KATNIP: variants seen among roughly 807,000 people sequenced by gnomAD.
KATNIP encodes the protein katanin-interacting protein.
Under a neutral mutation model 174.0 loss-of-function variants are expected in KATNIP, and 126 were observed. The observed-to-expected ratio is 0.72, with a 90% confidence interval of 0.63 to 0.84. The LOEUF is 0.84. Ranked by LOEUF, KATNIP falls within the 40% of genes least tolerant of loss-of-function variation. KATNIP has a pLI of 0.00. For missense variants in KATNIP, 1,958 were observed against 2,109.7 expected (o/e 0.93, Z 1.41); for synonymous variants, 810 against 835.7 (o/e 0.97, Z 0.53).
intron 18 of KATNIP, among the ~76,000 whole-genome samples, chr16:27,757,210 G>C (rs976628381): frequency 6.6e-6 from 1 of 152,098 alleles, no homozygotes; most frequent in Admixed American, 6.6e-5. Context: ...TCAGCCTCCC[G>C]AGTAGCTGGG....
intron 1 of KATNIP, among the ~76,000 whole-genome samples, chr16:27,557,019 A>G (rs566519181): frequency 2.6e-4 from 39 of 152,176 alleles, no homozygotes; most frequent in Non-Finnish European, 4.7e-4. Flanking sequence ...TCATTCCATG[A>G]TTCAACATTT....
At chr16:27,607,467 A>T (rs1187735349) in intron 2 of KATNIP, among the ~76,000 whole-genome samples, 5 of 152,182 alleles carry the variant, frequency 3.3e-5, no homozygotes, top group Non-Finnish European at 7.3e-5. Context: ...GGACCCCAGT[A>T]ACTTCAAGCA....
At chr16:27,721,761 T>C in intron 14 of KATNIP, 66 bp downstream of exon 14, 2 of 1,564,196 alleles carry the variant, frequency 1.3e-6, no homozygotes, top group Non-Finnish European at 1.7e-6. Flanking sequence ...AGTTTGCCAA[T>C]AGCCTGATTC....
chr16:27,690,068 C>T (rs1474289981), intron 8 of KATNIP, among the ~76,000 whole-genome samples: 5 of 151,952 alleles, frequency 3.3e-5, no homozygotes, highest in Non-Finnish European at 5.9e-5. Context: ...TTTGGGAGTC[C>T]GAGGCGAGAG....
In KATNIP at chr16:27,749,912, C is replaced by T. The variant is rs1214601195; in HGVS notation, c.2952C>T (p.Thr984=). The T allele has an allele frequency of 2.5e-6, 4 of 1,614,068 alleles. No individual in the cohort carries two copies. The highest frequency in any genetic ancestry group is 2.7e-5 in the African/African-American group (2 of 74,920). ...GCTTGGTCATTGACATCAAGTCTAC[C>T]TGGGGGGACAGACACTATGTCGGCC... ...GQRLVIDIKS[T]WGDRHYVGLN... is the part of the protein sequence containing the mutation. Residue 984 remains threonine (T), a synonymous_variant, in exon 16 of 28, where the codon ACC becomes ACT. Transcript: ENST00000261588.
intron 1 of KATNIP, among the ~76,000 whole-genome samples, chr16:27,571,801 C>T (rs943912116): frequency 2.0e-5 from 3 of 152,230 alleles, no homozygotes; most frequent in Non-Finnish European, 4.4e-5. Context: ...GGCCTGACTA[C>T]CTGGCATGTC....
intron 1 of KATNIP, among the ~76,000 whole-genome samples, chr16:27,560,564 C>A (rs2089839704): frequency 6.6e-6 from 1 of 152,140 alleles, no homozygotes; most frequent in African/African-American, 2.4e-5. Context: ...GGGAGGTTGG[C>A]CATCTCTGGA....
intron 2 of KATNIP, among the ~76,000 whole-genome samples, chr16:27,583,741 T>C (rs566561831): frequency 5.1e-4 from 78 of 152,360 alleles, no homozygotes; most frequent in African/African-American, 1.8e-3. Flanking sequence ...GTTTAAGTGA[T>C]AGAAGCCTTC....
In KATNIP at chr16:27,600,915, T is replaced by A. The variant is rs569494867; in HGVS notation, c.64-17510T>A. On this transcript the variant is annotated intron_variant, in intron 2 of 27. Coordinates refer to ENST00000261588, the MANE Select transcript of KATNIP (RefSeq NM_015202.5). ...CAGCTAATTTTTTGTATTTTTTTAG[T>A]AGAGACAGGGTTTCACCATGTTGGC... Among the ~76,000 whole-genome samples, 4 of 152,148 alleles carry A rather than the reference T, an allele frequency of 2.6e-5. No homozygotes were observed. In the East Asian group the frequency reaches 7.7e-4, roughly 29 times the overall value.
At chr16:27,745,479 C>T (rs1421137971) in intron 15 of KATNIP, among the ~76,000 whole-genome samples, 22 of 152,238 alleles carry the variant, frequency 1.4e-4, no homozygotes, top group Non-Finnish European at 2.9e-5. Context: ...GCAACCAATT[C>T]CAAAGTCTCA....
intron 2 of KATNIP, among the ~76,000 whole-genome samples, chr16:27,603,943 GC>G (rs970077233): frequency 6.6e-6 from 1 of 151,678 alleles, no homozygotes; most frequent in African/African-American, 2.4e-5. Flanking sequence ...CACAACATTG[GC>G]CAGGCTGATC....
intron 19 of KATNIP, among the ~76,000 whole-genome samples, chr16:27,764,776 T>C (rs901950052): frequency 6.6e-6 from 1 of 152,216 alleles, no homozygotes; most frequent in African/African-American, 2.4e-5. Flanking sequence ...GACAGAAACA[T>C]AATTGCCTTT....
chr16:27,765,437 G>A (rs1391477010), intron 19 of KATNIP, among the ~76,000 whole-genome samples: 1 of 152,196 alleles, frequency 6.6e-6, no homozygotes, highest in African/African-American at 2.4e-5. Flanking sequence ...GAGCATGAGG[G>A]GCTCCCTCCT....
At chr16:27,612,844 A>G (rs991506941) in intron 2 of KATNIP, among the ~76,000 whole-genome samples, 5 of 152,154 alleles carry the variant, frequency 3.3e-5, no homozygotes, top group Non-Finnish European at 7.3e-5. Flanking sequence ...GCACGGTGCT[A>G]CATGCCTGTA....
intron 6 of KATNIP, among the ~76,000 whole-genome samples, chr16:27,653,118 GGC>G (rs1266875813): frequency 6.6e-6 from 1 of 152,126 alleles, no homozygotes; most frequent in Non-Finnish European, 1.5e-5. Context: ...GACTAAAAAT[GGC>G]ATATTTCATT....
At chr16:27,621,283 T>TA (rs1269212008) in intron 3 of KATNIP, among the ~76,000 whole-genome samples, 51 of 143,328 alleles carry the variant, frequency 3.6e-4, no homozygotes, top group South Asian at 2.0e-3. Context: ...ACACTGTCTC[T>TA]AAAAAAAAAA....
At chr16:27,580,302 AG>A (rs1000737170) in intron 2 of KATNIP, among the ~76,000 whole-genome samples, 1 of 152,122 alleles carries the variant, frequency 6.6e-6, no homozygotes, top group African/African-American at 2.4e-5. Flanking sequence ...TTGTAGAAAC[AG>A]GGTTTTGCCG....
intron 17 of KATNIP, among the ~76,000 whole-genome samples, chr16:27,753,907 G>A (rs942446128): frequency 1.4e-4 from 21 of 151,934 alleles, no homozygotes; most frequent in Non-Finnish European, 2.9e-4. Flanking sequence ...CCCTGTTGGA[G>A]GAAATTTAAA....
intron 19 of KATNIP, among the ~76,000 whole-genome samples, chr16:27,761,994 T>A (rs1368104543): frequency 6.6e-6 from 1 of 152,148 alleles, no homozygotes; most frequent in African/African-American, 2.4e-5. Flanking sequence ...CTCCCCTCCT[T>A]GAGGTTAGAG....
Sources: allele counts gnomAD v4.1 joint callset (sites outside exome capture counted in the v4.1 genomes callset), GRCh38; gene constraint gnomAD v4.1.1; transcripts MANE v1.5; gene names NCBI Gene and HGNC (gene_info 2026-07-23, HGNC 2026-07-21).